SND1: variants seen among roughly 807,000 people sequenced by gnomAD.
The protein encoded by SND1 is staphylococcal nuclease and tudor domain containing 1, also known as staphylococcal nuclease domain-containing protein 1.
Under a neutral mutation model 121.7 loss-of-function variants are expected in SND1, and 38 were observed. The ratio of observed to expected loss-of-function variants is 0.31; its 90% CI spans 0.24 to 0.41. SND1 has a LOEUF of 0.41. SND1 is among the 10% of genes least tolerant of loss of function. SND1 has a pLI of 1.00. For synonymous variants in SND1, 401 were observed against 447.4 expected, an observed-to-expected ratio of 0.90 and a Z score of 1.31; for missense variants, 868 against 1,184.6, an observed-to-expected ratio of 0.73 and a Z score of 3.92.
intron 9 of SND1, among the ~76,000 whole-genome samples, chr7:127,714,516 A>C (rs1341615243): frequency 1.3e-5 from 2 of 152,184 alleles, no homozygotes; most frequent in African/African-American, 4.8e-5. Flanking sequence ...GTAGTATCTT[A>C]ACGATTTTTA....
chr7:127,809,634 G>T (rs1382085509), intron 11 of SND1, among the ~76,000 whole-genome samples: 3 of 152,206 alleles, frequency 2.0e-5, no homozygotes, highest in African/African-American at 7.2e-5. Context: ...GTATCTATGT[G>T]CCTGTGTGCA....
intron 14 of SND1, among the ~76,000 whole-genome samples, chr7:127,917,025 A>G (rs1237083453): frequency 6.6e-6 from 1 of 152,224 alleles, no homozygotes; most frequent in Non-Finnish European, 1.5e-5. Context: ...AGAAATGACA[A>G]TGATGTGAGA....
intron 13 of SND1, 60 bp downstream of exon 13, chr7:127,888,072 G>A: frequency 8.8e-7 from 1 of 1,131,102 alleles, no homozygotes; most frequent in Non-Finnish European, 1.3e-6. Flanking sequence ...TTCTTTCCCA[G>A]TTTTGTGCCT....
intron 14 of SND1, among the ~76,000 whole-genome samples, chr7:127,908,142 A>AG (rs1189712065): frequency 1.3e-5 from 2 of 152,074 alleles, no homozygotes; most frequent in East Asian, 1.9e-4. Context: ...CAGTTTGTCT[A>AG]GGGCTTTGAT....
chr7:127,928,693 A>C (rs1306054329), intron 14 of SND1, among the ~76,000 whole-genome samples: 2 of 151,930 alleles, frequency 1.3e-5, no homozygotes, highest in Non-Finnish European at 2.9e-5. Flanking sequence ...GGTTCAAGCG[A>C]TTCTCCTGCC....
intron 16 of SND1, among the ~76,000 whole-genome samples, chr7:128,003,562 T>G (rs1473765859): frequency 1.3e-5 from 2 of 152,218 alleles, no homozygotes; most frequent in African/African-American, 4.8e-5. Flanking sequence ...ATGTGCCATT[T>G]CACTTCACAC....
Position 127,661,808 on chromosome 7 carries a change from G to A in SND1, c.78+9357G>A, listed in dbSNP as rs561139146. On this transcript the variant is annotated intron_variant, in intron 1 of 23. Transcript: ENST00000354725. Reference sequence around the variant, plus strand: ...TGTTAAAATTTCAAGCAGTAGAGAGGTATGAAGTAAAAAAGAAAAATCCCT... The same window carrying A: ...TGTTAAAATTTCAAGCAGTAGAGAGATATGAAGTAAAAAAGAAAAATCCCT... 3.9e-5 allele frequency among the ~76,000 whole-genome samples: 6 copies of A among 152,116 alleles called. No individual in the cohort carries two copies. In the South Asian group the frequency reaches 1.2e-3, roughly 32 times the overall value.
chr7:128,040,360 G>A (rs1356148275), intron 16 of SND1, among the ~76,000 whole-genome samples: 1 of 147,636 alleles, frequency 6.8e-6, no homozygotes, highest in Non-Finnish European at 1.5e-5. Context: ...TTGAGCCTGG[G>A]AGGAGGAGGT....
chr7:127,798,058 T>C (rs939393031), intron 10 of SND1, among the ~76,000 whole-genome samples: 1 of 152,208 alleles, frequency 6.6e-6, no homozygotes, highest in Non-Finnish European at 1.5e-5. Context: ...AGATTTTTTT[T>C]CTTACATGAT....
At chr7:127,935,596 G>A (rs904139953) in intron 15 of SND1, among the ~76,000 whole-genome samples, 3 of 152,324 alleles carry the variant, frequency 2.0e-5, no homozygotes, top group African/African-American at 4.8e-5. Flanking sequence ...CATGGAGAAC[G>A]TGGTTTGAGG....
chr7:128,053,591 A>T (rs543206856), intron 16 of SND1, among the ~76,000 whole-genome samples: 1 of 152,254 alleles, frequency 6.6e-6, no homozygotes, highest in East Asian at 1.9e-4. Flanking sequence ...GGGGGAAAGA[A>T]ATCAGTCCAG....
chr7:128,060,304 T>C (rs1584767183), intron 16 of SND1, among the ~76,000 whole-genome samples: 1 of 151,876 alleles, frequency 6.6e-6, no homozygotes, highest in Non-Finnish European at 1.5e-5. Flanking sequence ...AGGGGATGGG[T>C]TGGGCAGCTC....
intron 12 of SND1, among the ~76,000 whole-genome samples, chr7:127,884,372 A>G (rs1210397175): frequency 1.3e-5 from 2 of 152,110 alleles, no homozygotes; most frequent in East Asian, 1.9e-4. Context: ...TGGATCTCCA[A>G]CTGCAGGAAA....
chr7:127,960,299 A>G (rs1801701515), intron 15 of SND1, among the ~76,000 whole-genome samples: 1 of 152,198 alleles, frequency 6.6e-6, no homozygotes, highest in South Asian at 2.1e-4. Context: ...GTGTGGGACT[A>G]CCCGCATTCA....
intron 16 of SND1, among the ~76,000 whole-genome samples, chr7:128,071,753 C>T (rs970702722): frequency 3.3e-5 from 5 of 152,178 alleles, no homozygotes; most frequent in Middle Eastern, 3.2e-3. Context: ...CCACCTTCCC[C>T]GAGTGCCTTT....
At chr7:127,742,055 A>C (rs1796889876) in intron 10 of SND1, among the ~76,000 whole-genome samples, 1 of 152,210 alleles carries the variant, frequency 6.6e-6, no homozygotes, top group African/African-American at 2.4e-5. Context: ...TCTTGCAGGG[A>C]CTTCAGAAAG....
At chr7:127,730,309 C>T (rs770168008) in intron 10 of SND1, among the ~76,000 whole-genome samples, 8 of 152,216 alleles carry the variant, frequency 5.3e-5, no homozygotes, top group African/African-American at 9.7e-5. Flanking sequence ...CTCTGATATC[C>T]GTCTGTTTTT....
chr7:127,714,029 G>A (rs1005340753), intron 9 of SND1, among the ~76,000 whole-genome samples: 4 of 151,882 alleles, frequency 2.6e-5, no homozygotes, highest in Admixed American at 2.6e-4. Context: ...CCCTGTTCCT[G>A]CTGCTGGATC....
chr7:128,060,893 C>G (rs563727005), intron 16 of SND1, among the ~76,000 whole-genome samples: 2 of 152,322 alleles, frequency 1.3e-5, no homozygotes, highest in African/African-American at 4.8e-5. Flanking sequence ...GCAAGAGACA[C>G]TGAGCGTCTT....
Sources: gnomAD v4.1 joint callset for allele counts (sites outside exome capture counted in the v4.1 genomes callset) on GRCh38, gnomAD v4.1.1 for gene constraint, MANE v1.5 for transcripts, NCBI Gene and HGNC (gene_info 2026-07-23, HGNC 2026-07-21) for gene names.